The following ARMC9 variants were observed in gnomAD, a reference collection of about 807,000 sequenced individuals.
ARMC9 encodes armadillo repeat containing 9.
In ARMC9, 94 loss-of-function variants were observed where a neutral mutation model predicts 107.0. The ratio of observed to expected loss-of-function variants is 0.88; its 90% CI spans 0.74 to 1.04. The LOEUF (loss-of-function observed/expected upper bound fraction) is 1.04, where lower values mean the gene tolerates loss of function less well. ARMC9 is among the 50% of genes least tolerant of loss of function. ARMC9 has a pLI of 0.00. For synonymous variants in ARMC9, 380 were observed against 396.9 expected (o/e 0.96, Z 0.51); for missense variants, 942 against 1,030.1 (o/e 0.91, Z 1.17).
intron 22 of ARMC9, 42 bp downstream of exon 22, chr2:231,355,976 G>GA: frequency 6.6e-7 from 1 of 1,519,864 alleles, no homozygotes; most frequent in Non-Finnish European, 8.8e-7. Context: ...CTGGGATTGT[G>GA]ATGTCTAGAA....
At chr2:231,363,577 C>T (rs535852587) in intron 23 of ARMC9, among the ~76,000 whole-genome samples, 1 of 152,240 alleles carries the variant, frequency 6.6e-6, no homozygotes, top group South Asian at 2.1e-4. Flanking sequence ...ATTACTTTCT[C>T]GGAGGCTAGA....
intron 9 of ARMC9, among the ~76,000 whole-genome samples, chr2:231,247,048 C>T (rs1241055071): frequency 5.3e-5 from 8 of 152,022 alleles, no homozygotes; most frequent in Admixed American, 2.0e-4. Context: ...CTCCGCCTCC[C>T]GGGTTCATGC....
intron 7 of ARMC9, among the ~76,000 whole-genome samples, chr2:231,233,141 G>A (rs1452466262): frequency 2.6e-5 from 4 of 152,306 alleles, no homozygotes; most frequent in East Asian, 1.9e-4. Flanking sequence ...GTGAGCCACC[G>A]CACCCAGCTG....
At chr2:231,208,080 ATTATTTGT>A in intron 2 of ARMC9, 39 bp from the exon 3 acceptor site, 1 of 862,162 alleles carries the variant, frequency 1.2e-6, no homozygotes, top group South Asian at 1.6e-5. Context: ...TTTTAATTGG[ATTATTTGT>A]TTGTTTTGCT....
chr2:231,272,361 T>C (rs948806576), intron 13 of ARMC9, among the ~76,000 whole-genome samples: 1 of 152,004 alleles, frequency 6.6e-6, no homozygotes, highest in Non-Finnish European at 1.5e-5. Flanking sequence ...ACCTGGCTAA[T>C]GTTCCTTAGT....
intron 5 of ARMC9, 95 bp from the exon 6 acceptor site, chr2:231,222,633 C>T: frequency 1.6e-6 from 1 of 638,372 alleles, no homozygotes; most frequent in Non-Finnish European, 2.6e-6. Context: ...GTTTCAATCA[C>T]TGTGCAGGGT....
chr2:231,213,780 T>G (rs938725876), intron 3 of ARMC9, among the ~76,000 whole-genome samples: 4 of 152,136 alleles, frequency 2.6e-5, no homozygotes, highest in Admixed American at 6.6e-5. Context: ...CATAAACTCA[T>G]TTTTAGAAGT....
intron 11 of ARMC9, among the ~76,000 whole-genome samples, 195 bp from the exon 12 acceptor site, chr2:231,262,111 C>T (rs988247333): frequency 2.6e-5 from 4 of 152,110 alleles, no homozygotes; most frequent in South Asian, 2.1e-4. Context: ...TGTGAGCCAC[C>T]GTGCCCGGCC....
intron 9 of ARMC9, among the ~76,000 whole-genome samples, chr2:231,250,676 G>T (rs2037220630): frequency 6.6e-6 from 1 of 152,194 alleles, no homozygotes; most frequent in African/African-American, 2.4e-5. Flanking sequence ...AGAGTGAGGG[G>T]CTGCCAGGGA....
chr2:231,215,592 G>T (rs575555342), intron 4 of ARMC9, among the ~76,000 whole-genome samples: 5 of 152,336 alleles, frequency 3.3e-5, no homozygotes, highest in African/African-American at 9.6e-5. Flanking sequence ...TTCCCAGATG[G>T]GGCTGGAGAT....
Position 231,376,176 on chromosome 2 carries a change from A to G in ARMC9, c.*4641A>G, listed in dbSNP as rs942388268. Reference sequence around the variant, plus strand: ...TAATTGCATTAACTGCACAAATTGTACAGCATGTGTGTTTGCGCAATATGA... The same window carrying G: ...TAATTGCATTAACTGCACAAATTGTGCAGCATGTGTGTTTGCGCAATATGA... On this transcript the variant is annotated 3_prime_UTR_variant, in exon 25 of 25. Coordinates refer to ENST00000611582, the MANE Select transcript of ARMC9 (RefSeq NM_001352754.2). Among the ~76,000 whole-genome samples the G allele has an allele frequency of 1.3e-5, 2 of 152,202 alleles. No individual in the cohort carries two copies. The highest frequency in any genetic ancestry group is 2.9e-5 in the Non-Finnish European group (2 of 68,044).
Position 231,358,457 on chromosome 2 carries a change from C to G in ARMC9, c.2132-2297C>G, listed in dbSNP as rs546665074. On this transcript the variant is annotated intron_variant, in intron 22 of 24. Coordinates refer to ENST00000611582, the MANE Select transcript of ARMC9 (RefSeq NM_001352754.2). The surrounding 1 kb of genome is among the most constrained non-coding windows in gnomAD (Gnocchi z 4.5). The stretch of plus-strand genomic sequence containing the variant: ...GCTCAAGCGATCCTCCCGCCTCGGC[C>G]TCCCAAAGTGCTGGGATTACAGGCA... 6.6e-6 allele frequency among the ~76,000 whole-genome samples: 1 copy of G among 152,296 alleles called. No homozygotes were observed. The highest frequency in any genetic ancestry group is 2.1e-4 in the South Asian group (1 of 4,820).
intron 12 of ARMC9, among the ~76,000 whole-genome samples, chr2:231,268,320 C>T (rs1160527269): frequency 6.6e-6 from 1 of 152,170 alleles, no homozygotes; most frequent in Non-Finnish European, 1.5e-5. Context: ...GTGATCTGTG[C>T]AATGCCCTGT....
chr2:231,287,866 T>C (rs1288543154), intron 17 of ARMC9, among the ~76,000 whole-genome samples: 1 of 152,194 alleles, frequency 6.6e-6, no homozygotes, highest in African/African-American at 2.4e-5. Flanking sequence ...TCATTCCAGC[T>C]TTATTGATCA....
intron 20 of ARMC9, among the ~76,000 whole-genome samples, chr2:231,336,774 GT>G (rs1352972316): frequency 4.6e-5 from 7 of 152,204 alleles, no homozygotes; most frequent in African/African-American, 1.7e-4. Context: ...AGGAGTGTGC[GT>G]TTTTATTTTC....
intron 5 of ARMC9, among the ~76,000 whole-genome samples, chr2:231,220,056 C>G (rs964301971): frequency 1.3e-5 from 2 of 152,146 alleles, no homozygotes; most frequent in African/African-American, 2.4e-5. Context: ...CTCGCCATAC[C>G]TTTTAACATC....
chr2:231,286,185 G>A (rs138410742), intron 17 of ARMC9, among the ~76,000 whole-genome samples: 3,100 of 151,962 alleles, frequency 0.02, 46 homozygotes, highest in Non-Finnish European at 0.036. Context: ...GTGGGATCTC[G>A]GCTTACTGTA....
intron 6 of ARMC9, among the ~76,000 whole-genome samples, chr2:231,223,186 C>T (rs914669872): frequency 2.6e-5 from 4 of 152,152 alleles, no homozygotes; most frequent in Admixed American, 2.6e-4. Context: ...GATCGGGTGA[C>T]CATCTAACTT....
At chr2:231,284,090 A>G (rs2125457095) in intron 17 of ARMC9, among the ~76,000 whole-genome samples, 1 of 152,334 alleles carries the variant, frequency 6.6e-6, no homozygotes, top group South Asian at 2.1e-4. Context: ...TGCATATGTG[A>G]TAATGGTCCA....
Sources: gnomAD v4.1 joint callset for allele counts (sites outside exome capture counted in the v4.1 genomes callset) on GRCh38, gnomAD v4.1.1 for gene constraint, Gnocchi (gnomAD v3.1) non-coding constraint, MANE v1.5 for transcripts, NCBI Gene and HGNC (gene_info 2026-07-23, HGNC 2026-07-21) for gene names.